The following DGKI variants were observed in gnomAD, a reference collection of about 807,000 sequenced individuals.
DGKI encodes the protein diacylglycerol kinase iota, also known as DAG kinase iota.
DGKI carries 55 observed loss-of-function variants against 147.5 expected under a neutral mutation model. That is an observed-to-expected ratio of 0.37 (90% CI 0.30 to 0.47). DGKI has a LOEUF of 0.47. DGKI is among the 20% of genes least tolerant of loss of function. DGKI has a pLI of 1.00. For missense variants in DGKI, 1,007 were observed against 1,323.8 expected (o/e 0.76, Z 3.71); for synonymous variants, 469 against 477.1 (o/e 0.98, Z 0.22).
At chr7:137,808,105 T>C (rs937125201) in intron 1 of DGKI, among the ~76,000 whole-genome samples, 7 of 152,086 alleles carry the variant, frequency 4.6e-5, no homozygotes, top group Non-Finnish European at 1.0e-4. Context: ...ATGTTGATAT[T>C]GGTGTGTTTT....
At chr7:137,403,850 A>ATT in intron 30 of DGKI, among the ~76,000 whole-genome samples, 1 of 150,454 alleles carries the variant, frequency 6.6e-6, no homozygotes, top group African/African-American at 2.4e-5. Flanking sequence ...TTTATTTGTT[A>ATT]TTTTTTTTTT....
chr7:137,573,674 G>A (rs977713772), intron 17 of DGKI, among the ~76,000 whole-genome samples: 1 of 152,144 alleles, frequency 6.6e-6, no homozygotes, highest in Admixed American at 6.6e-5. Context: ...CAAAGTGCTG[G>A]GATTATAGGC....
At chr7:137,537,672 C>T (rs1359918561) in intron 20 of DGKI, among the ~76,000 whole-genome samples, 1 of 152,150 alleles carries the variant, frequency 6.6e-6, no homozygotes, top group Non-Finnish European at 1.5e-5. Flanking sequence ...CTGCCCCAGA[C>T]ATGAAGCACA....
chr7:137,513,562 G>C (rs921189692), intron 21 of DGKI, among the ~76,000 whole-genome samples: 2 of 152,144 alleles, frequency 1.3e-5, no homozygotes, highest in African/African-American at 4.8e-5. Context: ...TTAATGAAAG[G>C]GATGTGTTTT....
At chr7:137,552,270 C>T in intron 20 of DGKI, 99 bp downstream of exon 20, 2 of 1,320,006 alleles carry the variant, frequency 1.5e-6, no homozygotes, top group South Asian at 2.8e-5. Context: ...GACTTTTTTC[C>T]TCTTCCCAAC....
At chr7:137,769,390 C>T (rs904789000) in intron 1 of DGKI, among the ~76,000 whole-genome samples, 5 of 152,190 alleles carry the variant, frequency 3.3e-5, no homozygotes, top group African/African-American at 1.2e-4. Flanking sequence ...AAGGGAAGAT[C>T]AAACTAGTAC....
chr7:137,678,736 G>T, intron 2 of DGKI, 84 bp from the exon 3 acceptor site: 1 of 1,205,872 alleles, frequency 8.3e-7, no homozygotes, highest in Non-Finnish European at 1.2e-6. Flanking sequence ...TGGGATACAA[G>T]AAAGTTAGTG....
At chr7:137,741,927 A>C (rs1346913319) in intron 1 of DGKI, among the ~76,000 whole-genome samples, 1 of 143,008 alleles carries the variant, frequency 7.0e-6, no homozygotes, top group East Asian at 2.6e-4. Flanking sequence ...AATACAATGT[A>C]AAAAAAAATT....
intron 23 of DGKI, among the ~76,000 whole-genome samples, chr7:137,470,539 C>T (rs1814840838): frequency 1.3e-5 from 2 of 152,056 alleles, no homozygotes; most frequent in South Asian, 4.1e-4. Context: ...GATCTTGTTA[C>T]ATCTATTTTT....
intron 6 of DGKI, among the ~76,000 whole-genome samples, chr7:137,632,597 A>G (rs563693151): frequency 1.4e-4 from 22 of 152,244 alleles, no homozygotes; most frequent in South Asian, 1.0e-3. Context: ...GGTGGCTCAC[A>G]CCTGTAATCC....
At chr7:137,637,478 A>G (rs1383603264) in intron 6 of DGKI, among the ~76,000 whole-genome samples, 2 of 152,230 alleles carry the variant, frequency 1.3e-5, no homozygotes, top group Non-Finnish European at 2.9e-5. Context: ...ACCAGCTGAA[A>G]CTAATAAAGA....
rs754496481 is a variant in DGKI, at chr7:137,793,307, G to GTTT, written c.401+53152_401+53154dup. 5.0e-4 allele frequency among the ~76,000 whole-genome samples: 72 copies of GTTT among 143,912 alleles called. 1 individual carries two copies. Among genetic ancestry groups the GTTT allele is most frequent in the African/African-American group, 1.3e-3 (52 of 39,444 alleles). The allele number at this position is 143,912 out of a possible 152,430, so 94.4% of individuals were successfully genotyped here. A position where few individuals can be genotyped will look rare whatever the true frequency, so the allele number is the denominator to read the frequency against. ...TCTAGCATTTTGCTGCCTTTTTTTT[G>GTTT]TTTTTTTTTTTGAGACGGAGTCTCA... On this transcript the variant is annotated intron_variant, in intron 1 of 32. Transcript: ENST00000614521.
At chr7:137,822,345 T>G (rs576826331) in intron 1 of DGKI, among the ~76,000 whole-genome samples, 15 of 152,166 alleles carry the variant, frequency 9.9e-5, no homozygotes, top group African/African-American at 3.4e-4. Flanking sequence ...AGGTGAAGGT[T>G]GCAGTGAGCC....
chr7:137,714,486 A>C (rs1369067463), intron 1 of DGKI, among the ~76,000 whole-genome samples: 1 of 152,188 alleles, frequency 6.6e-6, no homozygotes, highest in Non-Finnish European at 1.5e-5. Flanking sequence ...TAGCAGAGAA[A>C]GAGATATGGA....
chr7:137,653,769 C>T (rs953531612), intron 5 of DGKI, among the ~76,000 whole-genome samples: 17 of 152,188 alleles, frequency 1.1e-4, no homozygotes, highest in African/African-American at 3.6e-4. Context: ...AACTGAACCT[C>T]GTCTCCCTGA....
At chr7:137,742,680 T>C (rs934518244) in intron 1 of DGKI, among the ~76,000 whole-genome samples, 3 of 152,030 alleles carry the variant, frequency 2.0e-5, no homozygotes, top group Non-Finnish European at 1.5e-5. Flanking sequence ...AAATAGCCAA[T>C]GTTTTACTCA....
intron 19 of DGKI, among the ~76,000 whole-genome samples, chr7:137,558,474 C>T (rs1219998774): frequency 4.6e-5 from 7 of 152,172 alleles, no homozygotes; most frequent in East Asian, 1.9e-4. Flanking sequence ...GACAGGGTTT[C>T]GCCATGTTGG....
intron 1 of DGKI, among the ~76,000 whole-genome samples, chr7:137,707,688 A>G (rs1794081380): frequency 6.6e-6 from 1 of 152,156 alleles, no homozygotes; most frequent in South Asian, 2.1e-4. Context: ...TGCTATGATT[A>G]TAAGTTTCCT....
chr7:137,468,515 A>G (rs1446851050), intron 24 of DGKI, among the ~76,000 whole-genome samples: 4 of 152,230 alleles, frequency 2.6e-5, no homozygotes, highest in Non-Finnish European at 5.9e-5. Flanking sequence ...AAGTTCTGAG[A>G]GGCAGCTGAT....
Sources: allele counts gnomAD v4.1 joint callset (sites outside exome capture counted in the v4.1 genomes callset), GRCh38; gene constraint gnomAD v4.1.1; transcripts MANE v1.5; gene names NCBI Gene and HGNC (gene_info 2026-07-23, HGNC 2026-07-21).